Variants in IGSF9B observed in about 807,000 individuals in gnomAD.
The protein encoded by IGSF9B is immunoglobulin superfamily member 9B.
IGSF9B carries 48 observed loss-of-function variants against 143.7 expected under a neutral mutation model. That is an observed-to-expected ratio of 0.33 (90% CI 0.26 to 0.42). The LOEUF is 0.42. Ranked by LOEUF, IGSF9B falls within the 20% of genes least tolerant of loss-of-function variation. The probability of loss-of-function intolerance (pLI) is 1.00; values close to 1 mark genes in which losing one functional copy is unlikely to be tolerated. For synonymous variants in IGSF9B, 903 were observed against 833.1 expected (o/e 1.08, Z -1.44); for missense variants, 1,706 against 1,980.0 (o/e 0.86, Z 2.63).
Position 133,945,968 on chromosome 11 carries a change from G to T in IGSF9B, c.262+93C>A. The T allele has an allele frequency of 1.3e-6, 1 of 798,176 alleles. No homozygotes were observed. The highest frequency in any genetic ancestry group is 2.0e-6 in the Non-Finnish European group (1 of 501,712). The allele number at this position is 798,176 out of a possible 1,614,324, so 49.4% of individuals were successfully genotyped here. On this transcript the variant is annotated intron_variant, in intron 2 of 19. Coordinates refer to ENST00000533871, the MANE Select transcript of IGSF9B (RefSeq NM_001277285.4). The surrounding 1 kb of genome is among the most constrained non-coding windows in gnomAD (Gnocchi z 4.6). ...GCAGAGACTGGGAAACAGAGATAAA[G>T]AGTGGTCAGGACAAGGCAGGGGCCA...
intron 18 of IGSF9B, chr11:133,912,496 C>G: frequency 2.6e-6 from 1 of 383,516 alleles, no homozygotes; most frequent in South Asian, 2.0e-5. Context: ...AAACCCGACC[C>G]CCAGTAAGAC....
chr11:133,902,218 C>T lies in IGSF9B; in HGVS notation c.*6851G>A, dbSNP rs957060870. 1.4e-4 allele frequency among the ~76,000 whole-genome samples: 21 copies of T among 146,644 alleles called. No homozygotes were observed. The highest frequency in any genetic ancestry group is 2.7e-4 in the Admixed American group (4 of 14,738). On this transcript the variant is annotated 3_prime_UTR_variant, in exon 20 of 20. Transcript: ENST00000533871. The stretch of plus-strand genomic sequence containing the variant: ...AGACACACCACAAGCATACACCACA[C>T]GCAACATACACACACCAAACCACAC...
rs760162921 is a variant in IGSF9B, at chr11:133,925,823, C to T, written c.1950G>A (p.Glu650=). 3 of 1,613,844 alleles carry T rather than the reference C, an allele frequency of 1.9e-6. No individual in the cohort carries two copies. In the African/African-American group the frequency reaches 4.0e-5, roughly 22 times the overall value. The stretch of plus-strand genomic sequence containing the variant: ...ACTCCCAGCGCTCTGCGACACGGAA[C>T]TCCATGATGTAGCGGTCGATGGGAA... The part of the protein sequence containing the change: ...HSFPIDRYIM[E]FRVAERWELL... Residue 650 remains glutamate, a synonymous_variant, in exon 14 of 20, where the codon GAG becomes GAA. Transcript: ENST00000533871.
chr11:133,946,928 ACAGTTCTGC>A (rs1339911970), intron 1 of IGSF9B, among the ~76,000 whole-genome samples: 1 of 152,022 alleles, frequency 6.6e-6, no homozygotes, highest in African/African-American at 2.4e-5. Flanking sequence ...TCCTCCCAGC[ACAGTTCTGC>A]CAGCCCTGCC....
chr11:133,952,535 G>A (rs535675612), intron 1 of IGSF9B, among the ~76,000 whole-genome samples: 5 of 152,278 alleles, frequency 3.3e-5, no homozygotes, highest in East Asian at 1.9e-4. Context: ...CTCCACGCAC[G>A]TGCACACAAA....
chr11:133,932,308 G>A (rs1207909870), intron 7 of IGSF9B, 95 bp from the exon 8 acceptor site: 2 of 1,364,210 alleles, frequency 1.5e-6, no homozygotes, highest in South Asian at 1.4e-5. Context: ...GGGACAGACA[G>A]ACACAGGGAA....
rs1340650349 is a variant in IGSF9B at position 133,921,356 on chromosome 11, A to G, written c.2369T>C (p.Leu790Pro). 6.4e-7 allele frequency: 1 copy of G among 1,572,764 alleles called. No homozygotes were observed. The highest frequency in any genetic ancestry group is 1.2e-5 in the South Asian group (1 of 85,410). The change falls in exon 18 of 20, where the codon CTC (leucine) becomes CCC (proline). Residue 790 changes from leucine to proline, a missense_variant. Physicochemically the swap from Leu to Pro is moderately conservative, Grantham distance 98. This residue lies in a region of IGSF9B where 135 missense variants were observed against 181.3 expected (regional missense o/e 0.74). Transcript: ENST00000533871. ...GTCGGAGGATTCTGACGGCGCTCGG[A>G]GCGTGCGGATGCTCTCGGGGCTCAC... Reference protein sequence around the residue: ...GKVSPESIRTLRAPSESSDDQ... With the variant: ...GKVSPESIRTPRAPSESSDDQ...
chr11:133,931,553 G>A lies in IGSF9B; in HGVS notation c.1268C>T (p.Thr423Met), dbSNP rs759235034. 17 of 1,613,220 alleles carry A rather than the reference G, an allele frequency of 1.1e-5. No homozygotes were observed. In the Admixed American group the frequency reaches 1.3e-4, roughly 13 times the overall value. Residue 423 changes from threonine (T) to methionine (M), a missense_variant, in exon 10 of 20, where the codon ACG becomes ATG. Transcript: ENST00000533871. This position sits in a 1 kb window ranked among gnomAD's most constrained non-coding sequence, Gnocchi z 7.7. ...CCTGTACTCCCAGCCTGGTAGCACC[G>A]TGAAATAGGGGGGGTCCTGGGGAGG... ...RLVLKDPPYFTVLPGWEYRQE... is the reference protein window; with the variant it reads ...RLVLKDPPYFMVLPGWEYRQE...
Position 133,908,860 on chromosome 11 carries a change from G to C in IGSF9B, c.*209C>G. On this transcript the variant is annotated 3_prime_UTR_variant, in exon 20 of 20. Coordinates refer to ENST00000533871, the MANE Select transcript of IGSF9B (RefSeq NM_001277285.4). The stretch of plus-strand genomic sequence containing the variant: ...AGTCTCCAATCCACTTCCTGACCTC[G>C]ACCCACAGGTGGAAGGTGTGCCCAC... The C allele has an allele frequency of 2.2e-5, 12 of 554,360 alleles. No individual in the cohort carries two copies. The South Asian group carries it at 2.8e-4, about 13-fold the overall frequency. 34.3% of individuals were successfully genotyped at this position (554,360 alleles called of 1,614,324 possible).
chr11:133,915,434 A>AT (rs965450996), intron 18 of IGSF9B, among the ~76,000 whole-genome samples: 6 of 151,816 alleles, frequency 4.0e-5, no homozygotes, highest in African/African-American at 1.2e-4. Context: ...ATGCCCAGCT[A>AT]TTTTTTTGTA....
intron 11 of IGSF9B, among the ~76,000 whole-genome samples, chr11:133,930,058 C>T (rs1260938236): frequency 6.6e-6 from 1 of 152,128 alleles, no homozygotes; most frequent in Non-Finnish European, 1.5e-5. Context: ...GAAACCAGAG[C>T]CCTCCTCGTC....
chr11:133,919,736 A>G lies in IGSF9B; in HGVS notation c.3983+6T>C, dbSNP rs1939474483. 3 of 1,412,938 alleles carry G rather than the reference A, an allele frequency of 2.1e-6. No homozygotes were observed. The highest frequency in any genetic ancestry group is 1.4e-5 in the African/African-American group (1 of 69,000). 87.5% of individuals were successfully genotyped at this position (1,412,938 alleles called of 1,614,324 possible). A position where few individuals can be genotyped will look rare whatever the true frequency, so the allele number is the denominator to read the frequency against. ...GTGCGGGTGGCGGAAGAGGCGGCGC[A>G]CTCACCCTGAAGTAGGTAACGTGGG... On this transcript the variant is annotated splice_donor_region_variant and intron_variant, in intron 18 of 19. Transcript: ENST00000533871.
At chr11:133,941,857 G>A (rs576976229) in intron 3 of IGSF9B, among the ~76,000 whole-genome samples, 35 of 152,240 alleles carry the variant, frequency 2.3e-4, no homozygotes, top group African/African-American at 6.7e-4. Context: ...TGCACGTGAC[G>A]AACTCCCCTC....
chr11:133,955,946 G>C (rs1226813355), intron 1 of IGSF9B, among the ~76,000 whole-genome samples: 1 of 152,030 alleles, frequency 6.6e-6, no homozygotes, highest in Non-Finnish European at 1.5e-5. Flanking sequence ...CGCAGCCTGG[G>C]GAGGGCGGCG....
Position 133,909,058 on chromosome 11 carries a change from G to A in IGSF9B, c.*11C>T. 2 of 1,533,872 alleles carry A rather than the reference G, an allele frequency of 1.3e-6. No individual in the cohort carries two copies. Among genetic ancestry groups the A allele is most frequent in the South Asian group, 2.4e-5 (2 of 84,018 alleles). The stretch of plus-strand genomic sequence containing the variant: ...CAACCTCGCCCCGGGGACACCTAGA[G>A]TGGGGTGGAGTCACAGCAAAGTGGC... On this transcript the variant is annotated 3_prime_UTR_variant, in exon 20 of 20. Coordinates refer to ENST00000533871, the MANE Select transcript of IGSF9B (RefSeq NM_001277285.4). This position sits in a 1 kb window ranked among gnomAD's most constrained non-coding sequence, Gnocchi z 4.2.
chr11:133,949,255 C>T (rs1214503877), intron 1 of IGSF9B, among the ~76,000 whole-genome samples: 1 of 152,162 alleles, frequency 6.6e-6, no homozygotes, highest in African/African-American at 2.4e-5. Context: ...TCCACCCTCG[C>T]TCCAAGCCCT....
chr11:133,932,382 A>G (rs1274067296), intron 7 of IGSF9B, among the ~76,000 whole-genome samples, 169 bp from the exon 8 acceptor site: 1 of 145,224 alleles, frequency 6.9e-6, no homozygotes, highest in Non-Finnish European at 1.5e-5. Context: ...ACACGGGGAC[A>G]GACAGACAGA....
intron 3 of IGSF9B, chr11:133,938,224 G>GT: frequency 2.5e-6 from 1 of 396,650 alleles, no homozygotes; most frequent in Non-Finnish European, 4.6e-6. Flanking sequence ...CTACTCTAGG[G>GT]TGGCCCTTAC....
At chr11:133,943,405 G>A (rs1249073256) in intron 3 of IGSF9B, among the ~76,000 whole-genome samples, 1 of 152,094 alleles carries the variant, frequency 6.6e-6, no homozygotes, top group African/African-American at 2.4e-5. Flanking sequence ...CTCCTCCAGA[G>A]TACCTCCTTC....
Sources: gnomAD v4.1 joint callset for allele counts (sites outside exome capture counted in the v4.1 genomes callset) on GRCh38, gnomAD v4.1.1 for gene constraint, gnomAD v4.1.1 regional missense constraint, Gnocchi (gnomAD v3.1) non-coding constraint, MANE v1.5 for transcripts, NCBI Gene and HGNC (gene_info 2026-07-23, HGNC 2026-07-21) for gene names.